ARHGAP6: variants seen among roughly 807,000 people sequenced by gnomAD.
The protein encoded by ARHGAP6 is Rho GTPase activating protein 6.
ARHGAP6 carries 16 observed loss-of-function variants against 55.7 expected under a neutral mutation model. The observed-to-expected ratio is 0.29, with a 90% CI of 0.19 to 0.44. ARHGAP6 has a LOEUF of 0.44. Ranked by LOEUF, ARHGAP6 falls within the 20% of genes least tolerant of loss-of-function variation. ARHGAP6 has a pLI of 1.00. For synonymous variants in ARHGAP6, 382 were observed against 360.9 expected (o/e 1.06, Z -0.66); for missense variants, 698 against 808.9 (o/e 0.86, Z 1.66).
chrX:11,430,734 T>C (rs754414222), intron 1 of ARHGAP6, among the ~76,000 whole-genome samples: 2 of 112,251 alleles, frequency 1.8e-5, no homozygotes, highest in African/African-American at 6.5e-5. Context: ...ACAAATATTA[T>C]TTTAAATTTT....
At chrX:11,657,954 C>A (rs1289956570) in intron 1 of ARHGAP6, among the ~76,000 whole-genome samples, 1 of 111,885 alleles carries the variant, frequency 8.9e-6, no homozygotes, top group Non-Finnish European at 1.9e-5. Flanking sequence ...ACTTAGGGAA[C>A]TTTGAGAGAA....
intron 1 of ARHGAP6, among the ~76,000 whole-genome samples, chrX:11,261,287 A>G (rs1327750981): frequency 9.0e-6 from 1 of 111,529 alleles, no homozygotes; most frequent in Non-Finnish European, 1.9e-5. Context: ...ATACCCACCC[A>G]TCAGACTTCA....
chrX:11,240,660 T>C (rs1175593369), intron 2 of ARHGAP6, among the ~76,000 whole-genome samples: 2 of 111,578 alleles, frequency 1.8e-5, no homozygotes, highest in Admixed American at 1.9e-4. Flanking sequence ...GATTCTGAGC[T>C]AGGTGCTATG....
At position 11,330,023 on chromosome X, in the gene ARHGAP6, C is replaced by T. The variant is rs769477835; in HGVS notation, c.589-75316G>A. 6.2e-5 allele frequency among the ~76,000 whole-genome samples: 7 copies of T among 112,993 alleles called. No individual in the cohort carries two copies. In the South Asian group the frequency reaches 2.5e-3, roughly 41 times the overall value. On this transcript the variant is annotated intron_variant, in intron 1 of 12. Transcript: ENST00000337414. ...ATGACTGCATATTCGCAAGTGGATT[C>T]CAGCCACCATTTTACAATAACAACA...
chrX:11,432,581 C>T (rs2049950610), intron 1 of ARHGAP6, among the ~76,000 whole-genome samples: 1 of 112,570 alleles, frequency 8.9e-6, no homozygotes, highest in Non-Finnish European at 1.9e-5. Flanking sequence ...TATAAACAGA[C>T]TGAACACAGT....
At position 11,138,449 on chromosome X, in the gene ARHGAP6, T is replaced by G. The variant is rs757249996; in HGVS notation, c.*414A>C. ...CATTGCTTAATATAAGTGAAGTGAT[T>G]TTTTTTTTAAAAGTTCCTTTTGTTT... On this transcript the variant is annotated 3_prime_UTR_variant, in exon 13 of 13. Coordinates refer to ENST00000337414, the MANE Select transcript of ARHGAP6 (RefSeq NM_013427.3). The G allele has an allele frequency of 1.5e-5, 2 of 136,438 alleles. No individual in the cohort carries two copies. Among genetic ancestry groups the G allele is most frequent in the African/African-American group, 3.3e-5 (1 of 30,617 alleles). The allele number at this position is 136,438 out of a possible 1,213,427, so 11.2% of individuals were successfully genotyped here. A position where few individuals can be genotyped will look rare whatever the true frequency, so the allele number is the denominator to read the frequency against.
intron 1 of ARHGAP6, among the ~76,000 whole-genome samples, chrX:11,420,798 C>T (rs2049814034): frequency 8.9e-6 from 1 of 111,736 alleles, no homozygotes; most frequent in East Asian, 2.8e-4. Flanking sequence ...CATCCACACA[C>T]CAAGGCTGCT....
At position 11,182,132 on chromosome X, in the gene ARHGAP6, A is replaced by G; in HGVS notation, c.1274-14T>C. The G allele has an allele frequency of 8.4e-7, 1 of 1,189,213 alleles. No homozygotes were observed. The highest frequency in any genetic ancestry group is 1.8e-5 in the South Asian group (1 of 55,342). On this transcript the variant is annotated splice_polypyrimidine_tract_variant and intron_variant, in intron 5 of 12. Transcript: ENST00000337414. ...CTGTCTGGAGGCCTGCAAATAAGCAAACAAAATGAACAGTCTTGTTTCATG... is the reference window on the plus strand; with the variant it reads ...CTGTCTGGAGGCCTGCAAATAAGCAGACAAAATGAACAGTCTTGTTTCATG...
chrX:11,523,083 C>G (rs1338289714), intron 1 of ARHGAP6, among the ~76,000 whole-genome samples: 6 of 111,838 alleles, frequency 5.4e-5, no homozygotes, highest in Non-Finnish European at 9.4e-5. Context: ...GTTCAACATA[C>G]ACAAATCAAT....
chrX:11,583,284 G>A (rs1182709422), intron 1 of ARHGAP6, among the ~76,000 whole-genome samples: 1 of 112,301 alleles, frequency 8.9e-6, no homozygotes, highest in Non-Finnish European at 1.9e-5. Context: ...ACATCCCACA[G>A]TTGTAGTAAT....
chrX:11,243,640 A>T (rs912975549), intron 2 of ARHGAP6, among the ~76,000 whole-genome samples: 4 of 112,358 alleles, frequency 3.6e-5, no homozygotes, highest in African/African-American at 9.7e-5. Flanking sequence ...ACCTTGAAAA[A>T]ATATTTGGTC....
At chrX:11,298,195 TAA>T (rs776437048) in intron 1 of ARHGAP6, 39 of 1,208,379 alleles carry the variant, frequency 3.2e-5, no homozygotes, top group Non-Finnish European at 4.0e-5. Context: ...TGGATGAAAG[TAA>T]ATTAAATCAA....
At chrX:11,219,114 A>T (rs1390624376) in intron 2 of ARHGAP6, among the ~76,000 whole-genome samples, 15 of 82,344 alleles carry the variant, frequency 1.8e-4, no homozygotes, top group African/African-American at 6.7e-4. Context: ...TTCAATTCCC[A>T]CCTATGAGTG....
At chrX:11,561,917 A>G (rs981511289) in intron 1 of ARHGAP6, among the ~76,000 whole-genome samples, 1 of 112,204 alleles carries the variant, frequency 8.9e-6, no homozygotes, top group African/African-American at 3.2e-5. Context: ...ATTCAGACGG[A>G]GGCCAGTGGC....
intron 1 of ARHGAP6, among the ~76,000 whole-genome samples, chrX:11,577,764 G>A (rs1401566961): frequency 8.9e-6 from 1 of 111,959 alleles, no homozygotes; most frequent in African/African-American, 3.2e-5. Context: ...AGCACTGATG[G>A]TGGCTTCCAT....
At chrX:11,178,686 A>T (rs144051361) in intron 7 of ARHGAP6, among the ~76,000 whole-genome samples, 234 of 112,133 alleles carry the variant, frequency 2.1e-3, no homozygotes, top group African/African-American at 7.3e-3. Context: ...CAAGGGACAG[A>T]TATTTTGTTG....
chrX:11,357,142 T>C (rs922927927), intron 1 of ARHGAP6, among the ~76,000 whole-genome samples: 1 of 112,182 alleles, frequency 8.9e-6, no homozygotes, highest in Non-Finnish European at 1.9e-5. Context: ...TCAGGTCAAT[T>C]TGAAATGCCA....
At chrX:11,187,658 T>C (rs1197969374) in intron 4 of ARHGAP6, among the ~76,000 whole-genome samples, 1 of 111,563 alleles carries the variant, frequency 9.0e-6, no homozygotes, top group African/African-American at 3.3e-5. Context: ...TTGAAAAATG[T>C]TGGTTTTAAG....
chrX:11,619,921 G>T (rs1015562826), intron 1 of ARHGAP6, among the ~76,000 whole-genome samples: 1 of 111,893 alleles, frequency 8.9e-6, no homozygotes, highest in Admixed American at 9.5e-5. Context: ...GCCTCCTGCT[G>T]CCCTCCTCTC....
Sources: allele counts gnomAD v4.1 joint callset (sites outside exome capture counted in the v4.1 genomes callset), GRCh38; gene constraint gnomAD v4.1.1; transcripts MANE v1.5; gene names NCBI Gene and HGNC (gene_info 2026-07-23, HGNC 2026-07-21).